The following AURKB variants were observed in gnomAD, a reference collection of about 807,000 sequenced individuals.
AURKB encodes the protein aurora kinase B-Sv1.
In AURKB, 28 loss-of-function variants were observed where a neutral mutation model predicts 36.5. That is an observed-to-expected ratio of 0.77 (90% CI 0.57 to 1.05). The LOEUF (loss-of-function observed/expected upper bound fraction) is 1.05, where lower values mean the gene tolerates loss of function less well. AURKB is among the 50% of genes least tolerant of loss of function. The pLI is 0.00. For synonymous variants in AURKB, 175 were observed against 172.9 expected (o/e 1.01, Z -0.09); for missense variants, 383 against 447.4 (o/e 0.86, Z 1.30).
intron 2 of AURKB, among the ~76,000 whole-genome samples, chr17:8,208,590 CAAAA>C (rs1225596033): frequency 9.6e-5 from 8 of 82,968 alleles, no homozygotes; most frequent in Admixed American, 8.4e-4. Context: ...GGCTCCGTCT[CAAAA>C]AATAAATAAA....
chr17:8,204,868 C>A lies in AURKB; in HGVS notation c.*3G>T, dbSNP rs369681238. On this transcript the variant is annotated 3_prime_UTR_variant, in exon 9 of 9. Coordinates refer to ENST00000585124, the MANE Select transcript of AURKB (RefSeq NM_004217.4). ...CACGCACCCGAGTGAATGACAGGGACCATCAGGCGACAGATTGAAGGGCAG... is the reference window on the plus strand; with the variant it reads ...CACGCACCCGAGTGAATGACAGGGAACATCAGGCGACAGATTGAAGGGCAG... 20 of 1,611,740 alleles carry A rather than the reference C, an allele frequency of 1.2e-5. No individual in the cohort carries two copies. In the African/African-American group the frequency reaches 2.7e-4, roughly 22 times the overall value.
chr17:8,205,278 G>C lies in AURKB; in HGVS notation c.799C>G (p.Leu267Val). The C allele has an allele frequency of 6.2e-7, 1 of 1,614,188 alleles. No individual in the cohort carries two copies. Among genetic ancestry groups the C allele is most frequent in the Non-Finnish European group, 8.5e-7 (1 of 1,180,036 alleles). The change falls in exon 8 of 9, where the codon CTG becomes GTG. Residue 267 changes from leucine to valine, a missense_variant. Around this residue, in one of 3 missense-constraint regions of AURKB, gnomAD observed 219 missense variants for 252.6 expected, o/e 0.87. Transcript: ENST00000585124. ...WCIGVLCYELLVGNPPFESAS... is the reference protein window; with the variant it reads ...WCIGVLCYELVVGNPPFESAS... Reference sequence around the variant, plus strand: ...CTCTCAAAGGGTGGGTTCCCCACCAGCAGCTCATAGCAAAGCACTCCAATG... The same window carrying C: ...CTCTCAAAGGGTGGGTTCCCCACCACCAGCTCATAGCAAAGCACTCCAATG...
intron 7 of AURKB, 136 bp from the exon 8 acceptor site, chr17:8,205,526 G>A (rs1985137756): frequency 1.6e-5 from 18 of 1,104,782 alleles, no homozygotes; most frequent in Non-Finnish European, 2.3e-5. Flanking sequence ...CCACTGGAGT[G>A]GGGGTGGGGT....
At chr17:8,208,391 C>T (rs889751300) in intron 2 of AURKB, among the ~76,000 whole-genome samples, 2 of 150,044 alleles carry the variant, frequency 1.3e-5, no homozygotes, top group Non-Finnish European at 3.0e-5. Flanking sequence ...TACCATTGCA[C>T]TCCAGCCTGG....
chr17:8,208,629 T>TAAATAAATAAAA (rs1162327616), intron 2 of AURKB, among the ~76,000 whole-genome samples: 22 of 143,736 alleles, frequency 1.5e-4, no homozygotes, highest in South Asian at 1.3e-3. Context: ...AATAAATAAA[T>TAAATAAATAAAA]AAAAAATAAA....
chr17:8,204,995 A>G lies in AURKB; in HGVS notation c.911T>C (p.Ile304Thr), dbSNP rs146334050. 6.2e-7 allele frequency: 1 copy of G among 1,605,798 alleles called. No homozygotes were observed. Among genetic ancestry groups the G allele is most frequent in the African/African-American group, 1.3e-5 (1 of 74,088 alleles). ...ASVPMGAQDL[I>T]SKLLRHNPSE... ...GGGGTTATGCCTGAGCAGTTTGGAGATGAGGTCCTGGGCTCCCATGGGCAC... is the reference window on the plus strand; with the variant it reads ...GGGGTTATGCCTGAGCAGTTTGGAGGTGAGGTCCTGGGCTCCCATGGGCAC... The change falls in exon 9 of 9, where the codon ATC (isoleucine) becomes ACC (threonine). Residue 304 changes from isoleucine to threonine, a missense_variant. This residue lies in a region of AURKB where 219 missense variants were observed against 252.6 expected (regional missense o/e 0.87). Coordinates refer to ENST00000585124, the MANE Select transcript of AURKB (RefSeq NM_004217.4).
intron 2 of AURKB, among the ~76,000 whole-genome samples, chr17:8,208,590 C>CAAAA (rs1225596033): frequency 1.2e-5 from 1 of 82,968 alleles, no homozygotes. Flanking sequence ...GGCTCCGTCT[C>CAAAA]AAAAAATAAA....
chr17:8,205,258 A>C lies in AURKB; in HGVS notation c.819T>G (p.Phe273Leu). ...AGGTCTCGTTGTGTGATGCACTCTC[A>C]AAGGGTGGGTTCCCCACCAGCAGCT... is the stretch of plus-strand genomic sequence containing the variant. ...CYELLVGNPP[F>L]ESASHNETYR... Residue 273 changes from phenylalanine to leucine, a missense_variant, in exon 8 of 9, where the codon TTT (phenylalanine) becomes TTG (leucine). Coordinates refer to ENST00000585124, the MANE Select transcript of AURKB (RefSeq NM_004217.4). 1 of 1,614,120 alleles carries C rather than the reference A, an allele frequency of 6.2e-7. No homozygotes were observed. Among genetic ancestry groups the C allele is most frequent in the Non-Finnish European group, 8.5e-7 (1 of 1,180,014 alleles).
In AURKB at chr17:8,206,811, C is replaced by T. The variant is rs746973523; in HGVS notation, c.476G>A (p.Arg159His). ...CTGCAGCTCCTTGTAGAGCTCCCCG[C>T]GGGGGGCATACTCTAGAATCAAGTA... ...RIYLILEYAP[R>H]GELYKELQKS... Residue 159 changes from arginine (R) to histidine (H), a missense_variant, in exon 6 of 9, where the codon CGC becomes CAC. Physicochemically the swap from Arg to His is conservative, Grantham distance 29. This residue lies in a region of AURKB where 219 missense variants were observed against 252.6 expected (regional missense o/e 0.87). Coordinates refer to ENST00000585124, the MANE Select transcript of AURKB (RefSeq NM_004217.4). This position sits in a 1 kb window ranked among gnomAD's most constrained non-coding sequence, Gnocchi z 4.2. 4 of 1,614,018 alleles carry T rather than the reference C, an allele frequency of 2.5e-6. No homozygotes were observed. The highest frequency in any genetic ancestry group is 1.7e-5 in the Admixed American group (1 of 60,004).
In AURKB at chr17:8,204,860, G is replaced by T; in HGVS notation, c.*11C>A. The T allele has an allele frequency of 6.2e-7, 1 of 1,612,076 alleles. No homozygotes were observed. The highest frequency in any genetic ancestry group is 8.5e-7 in the Non-Finnish European group (1 of 1,179,492). ...TACAAACACACGCACCCGAGTGAAT[G>T]ACAGGGACCATCAGGCGACAGATTG... On this transcript the variant is annotated 3_prime_UTR_variant, in exon 9 of 9. Transcript: ENST00000585124.
At position 8,204,797 on chromosome 17, in the gene AURKB, G is replaced by A. The variant is rs1984980889; in HGVS notation, c.*74C>T. 1 of 1,560,030 alleles carries A rather than the reference G, an allele frequency of 6.4e-7. No individual in the cohort carries two copies. The highest frequency in any genetic ancestry group is 1.9e-5 in the Admixed American group (1 of 51,644). Reference sequence around the variant, plus strand: ...GAGGTAGAAAACAGATAAGGGAACAGTTAGGGATCCCTTCTTTCCCCTATA... The same window carrying A: ...GAGGTAGAAAACAGATAAGGGAACAATTAGGGATCCCTTCTTTCCCCTATA... On this transcript the variant is annotated 3_prime_UTR_variant, in exon 9 of 9. Transcript: ENST00000585124.
At chr17:8,209,564 A>G (rs891112284) in intron 2 of AURKB, among the ~76,000 whole-genome samples, 9 of 152,150 alleles carry the variant, frequency 5.9e-5, no homozygotes, top group Middle Eastern at 3.2e-3. Context: ...AAATAGTGAT[A>G]TTGGTACCAA....
chr17:8,210,003 G>T, intron 2 of AURKB, 174 bp downstream of exon 2: 2 of 803,400 alleles, frequency 2.5e-6, no homozygotes, highest in Admixed American at 2.3e-5. Context: ...CACCTGACAG[G>T]ATGTGGCTAC....
Position 8,206,716 on chromosome 17 carries a change from C to T in AURKB, c.537+34G>A. 6.2e-7 allele frequency: 1 copy of T among 1,612,744 alleles called. No homozygotes were observed. ...GCAGCACACCCTCAGCCTCGAGCCC[C>T]CTACTGGCGCCCCAGGTGCCCACCC... On this transcript the variant is annotated intron_variant, in intron 6 of 8. Transcript: ENST00000585124. The surrounding 1 kb of genome is among the most constrained non-coding windows in gnomAD (Gnocchi z 4.2).
At chr17:8,207,520 C>G in intron 4 of AURKB, 51 bp downstream of exon 4, 1 of 1,598,278 alleles carries the variant, frequency 6.3e-7, no homozygotes, top group East Asian at 2.2e-5. Flanking sequence ...CGACTTCCTG[C>G]CTGTTCATTG....
rs1416479957 is a variant in AURKB, at chr17:8,205,370, G to T, written c.707C>A (p.Thr236Asn). The stretch of plus-strand genomic sequence containing the variant: ...CATCTCTGGGGGCAGGTAGTCCAGG[G>T]TGCCACACATTGTCTTCCTCCTGGG... Reference protein sequence around the residue: ...PSLRRKTMCGTLDYLPPEMIE... With the variant: ...PSLRRKTMCGNLDYLPPEMIE... Residue 236 changes from threonine to asparagine, a missense_variant, in exon 8 of 9, where the codon ACC (threonine) becomes AAC (asparagine). Thr to Asn is a moderately conservative substitution (Grantham distance 65). Transcript: ENST00000585124. 1 of 1,614,152 alleles carries T rather than the reference G, an allele frequency of 6.2e-7. No individual in the cohort carries two copies.
rs200465843 is a variant in AURKB at position 8,210,241 on chromosome 17, G to A, written c.-17C>T. On this transcript the variant is annotated 5_prime_UTR_variant, in exon 2 of 9. Coordinates refer to ENST00000585124, the MANE Select transcript of AURKB (RefSeq NM_004217.4). ...CTGGGCCATCCTTAGAGAGAAAGGG[G>A]GAGGAGAGCTGGGCGGAGAAGGGAA... The A allele has an allele frequency of 1.9e-6, 3 of 1,594,098 alleles. No homozygotes were observed. The highest frequency in any genetic ancestry group is 2.3e-5 in the South Asian group (2 of 88,442).
At chr17:8,209,974 G>A (rs1272803034) in intron 2 of AURKB, 6 of 656,218 alleles carry the variant, frequency 9.1e-6, no homozygotes, top group Non-Finnish European at 1.6e-5. Flanking sequence ...TCACTGGCTG[G>A]TCAGATTCAC....
At chr17:8,208,008 G>A (rs1985591990) in intron 2 of AURKB, 168 bp from the exon 3 acceptor site, 5 of 592,564 alleles carry the variant, frequency 8.4e-6, no homozygotes, top group Non-Finnish European at 1.5e-5. Flanking sequence ...TCTGCTCATA[G>A]TCCCATATTA....
Sources: gnomAD v4.1 joint callset for allele counts (sites outside exome capture counted in the v4.1 genomes callset) on GRCh38, gnomAD v4.1.1 for gene constraint, gnomAD v4.1.1 regional missense constraint, Gnocchi (gnomAD v3.1) non-coding constraint, MANE v1.5 for transcripts, NCBI Gene and HGNC (gene_info 2026-07-23, HGNC 2026-07-21) for gene names.